Variants in RFX1 observed in about 807,000 individuals in gnomAD.
RFX1 encodes regulatory factor X1, also known as MHC class II regulatory factor RFX1.
In RFX1, 42 loss-of-function variants were observed where a neutral mutation model predicts 119.6. That is an observed-to-expected ratio of 0.35 (90% CI 0.27 to 0.45). The LOEUF (loss-of-function observed/expected upper bound fraction) is 0.45. RFX1 is among the 20% of genes least tolerant of loss of function. RFX1 has a pLI of 1.00. For synonymous variants in RFX1, 628 were observed against 618.5 expected, an observed-to-expected ratio of 1.02 and a Z score of -0.23; for missense variants, 1,118 against 1,368.1, an observed-to-expected ratio of 0.82 and a Z score of 2.88.
chr19:13,998,838 C>T (rs940090768), intron 1 of RFX1, among the ~76,000 whole-genome samples: 5 of 152,164 alleles, frequency 3.3e-5, no homozygotes, highest in African/African-American at 1.2e-4. Flanking sequence ...CCTTGTGGCC[C>T]CTCCCACAAA....
chr19:13,977,926 C>G (rs1205942798), intron 8 of RFX1, 66 bp downstream of exon 8: 1 of 1,266,404 alleles, frequency 7.9e-7, no homozygotes, highest in Non-Finnish European at 1.1e-6. Context: ...GGACTGGTGT[C>G]CTGGGAGACT....
chr19:13,993,945 A>C, intron 1 of RFX1, 50 bp from the exon 2 acceptor site: 2 of 1,052,484 alleles, frequency 1.9e-6, no homozygotes, highest in Non-Finnish European at 2.7e-6. Context: ...ACAAAACAAA[A>C]GAAGGAAAAA....
chr19:13,996,883 C>T (rs377632056), intron 1 of RFX1, among the ~76,000 whole-genome samples: 1 of 152,184 alleles, frequency 6.6e-6, no homozygotes, highest in Non-Finnish European at 1.5e-5. Flanking sequence ...ACTACCACAT[C>T]CAGCTAATTT....
chr19:13,962,793 C>G lies in RFX1; in HGVS notation c.2842G>C (p.Glu948Gln), dbSNP rs778972180. Reference protein sequence around the residue: ...PQDISLAAGGESPALGPETLE... With the variant: ...PQDISLAAGGQSPALGPETLE... ...GTCTCCGGGCCCAGCGCGGGTGACT[C>G]GCCGCCAGCCGCCAGTGAGATGTCC... The change falls in exon 21 of 21, where the codon GAG (glutamate) becomes CAG (glutamine). Residue 948 changes from glutamate (E) to glutamine (Q), a missense_variant. By Grantham distance (29) the Glu-to-Gln change is conservative. Around this residue, in one of 5 missense-constraint regions of RFX1, gnomAD observed 138 missense variants for 117.8 expected, o/e 1.17. Coordinates refer to ENST00000254325, the MANE Select transcript of RFX1 (RefSeq NM_002918.5). The G allele has an allele frequency of 6.5e-7, 1 of 1,529,080 alleles. No individual in the cohort carries two copies. Among genetic ancestry groups the G allele is most frequent in the Non-Finnish European group, 8.8e-7 (1 of 1,142,750 alleles). The allele number at this position is 1,529,080 out of a possible 1,614,324, so 94.7% of individuals were successfully genotyped here.
chr19:13,969,997 G>A lies in RFX1; in HGVS notation c.1493C>T (p.Thr498Ile). The change falls in exon 10 of 21, where the codon ACC becomes ATC. Residue 498 changes from threonine to isoleucine, a missense_variant. This residue lies in a region of RFX1 where 338 missense variants were observed against 508.9 expected (regional missense o/e 0.66). Transcript: ENST00000254325. This position sits in a 1 kb window ranked among gnomAD's most constrained non-coding sequence, Gnocchi z 4.5. ...GGGAGTAGACGGATGGCCCTACCTG[G>A]TGCCCAGACGGCGGGTTCGCAGGCC... ...FMGLRTRRLG[T>I]RGNSKYHYYG... The A allele has an allele frequency of 2.5e-6, 4 of 1,608,984 alleles. No homozygotes were observed. The highest frequency in any genetic ancestry group is 3.4e-6 in the Non-Finnish European group (4 of 1,177,172).
At chr19:14,006,714 T>C (rs967306019), upstream of RFX1, 2 of 152,232 alleles carry the variant, frequency 1.3e-5, no homozygotes, top group Non-Finnish European at 2.9e-5. Flanking sequence ...GATTGGGAGT[T>C]GTAGTCCGCT....
intron 2 of RFX1, among the ~76,000 whole-genome samples, chr19:13,991,379 A>C (rs1418697090): frequency 6.6e-6 from 1 of 152,222 alleles, no homozygotes; most frequent in Non-Finnish European, 1.5e-5. Flanking sequence ...AACCCACCAG[A>C]GGTTTGTGGC....
Position 13,980,141 on chromosome 19 carries a change from G to A in RFX1, c.738+432C>T, listed in dbSNP as rs556076560. 1.1e-4 allele frequency among the ~76,000 whole-genome samples: 16 copies of A among 152,260 alleles called. No individual in the cohort carries two copies. The highest frequency in any genetic ancestry group is 1.9e-4 in the Non-Finnish European group (13 of 68,004). Reference sequence around the variant, plus strand: ...TTCAGTGGTAACAACCAGATGGTGCGCAGCCCCAGCATCTTAACCTGCGCC... The same window carrying A: ...TTCAGTGGTAACAACCAGATGGTGCACAGCCCCAGCATCTTAACCTGCGCC... On this transcript the variant is annotated intron_variant, in intron 6 of 20. Coordinates refer to ENST00000254325, the MANE Select transcript of RFX1 (RefSeq NM_002918.5). This position sits in a 1 kb window ranked among gnomAD's most constrained non-coding sequence, Gnocchi z 5.1.
At chr19:13,988,537 A>T (rs1057028855) in intron 2 of RFX1, among the ~76,000 whole-genome samples, 2 of 152,192 alleles carry the variant, frequency 1.3e-5, no homozygotes, top group African/African-American at 4.8e-5. Context: ...GTGACATGCG[A>T]GGCCTCCTGC....
intron 1 of RFX1, among the ~76,000 whole-genome samples, chr19:13,995,889 G>A (rs1017544203): frequency 5.3e-5 from 8 of 150,590 alleles, no homozygotes; most frequent in African/African-American, 1.7e-4. Context: ...TTAAACGGGA[G>A]TGGTGGCGCG....
Position 13,966,598 on chromosome 19 carries a change from C to T in RFX1, c.1851+35G>A. ...GGCCCTCCCATGCCCGTGGCTGCGTCCCCGTCCACTTGCCTGCCCACCTGG... is the reference window on the plus strand; with the variant it reads ...GGCCCTCCCATGCCCGTGGCTGCGTTCCCGTCCACTTGCCTGCCCACCTGG... On this transcript the variant is annotated intron_variant, in intron 13 of 20. Coordinates refer to ENST00000254325, the MANE Select transcript of RFX1 (RefSeq NM_002918.5). The surrounding 1 kb of genome is among the most constrained non-coding windows in gnomAD (Gnocchi z 6.3). 1 of 1,550,304 alleles carries T rather than the reference C, an allele frequency of 6.5e-7. No individual in the cohort carries two copies. The highest frequency in any genetic ancestry group is 8.8e-7 in the Non-Finnish European group (1 of 1,138,242).
Position 13,980,752 on chromosome 19 carries a change from T to TCG in RFX1, c.622-64_622-63insCG. 4.6e-5 allele frequency: 43 copies of TCG among 939,246 alleles called. No individual in the cohort carries two copies. Among genetic ancestry groups the TCG allele is most frequent in the Non-Finnish European group, 6.2e-5 (38 of 616,452 alleles). 58.2% of individuals were successfully genotyped at this position (939,246 alleles called of 1,614,324 possible). The stretch of plus-strand genomic sequence containing the variant: ...GGCTTGCATCCTCTCTGAGGTGGGC[T>TCG]CACACACACACCCTTCTCAGGAGAG... On this transcript the variant is annotated intron_variant, in intron 5 of 20. Transcript: ENST00000254325. This position sits in a 1 kb window ranked among gnomAD's most constrained non-coding sequence, Gnocchi z 5.1.
chr19:13,979,406 C>T (rs774047259), intron 7 of RFX1, 41 bp downstream of exon 7: 1 of 1,432,248 alleles, frequency 7.0e-7, no homozygotes. Flanking sequence ...CAGCCCGGGA[C>T]CAGCCCCTTT....
upstream of RFX1, chr19:14,006,416 C>G (rs1008287723): frequency 6.6e-6 from 1 of 152,308 alleles, no homozygotes. Context: ...GGCCTTGCAG[C>G]TAAACTATTA....
chr19:13,982,288 G>A (rs1044283312), intron 4 of RFX1, 60 bp from the exon 5 acceptor site: 9 of 960,068 alleles, frequency 9.4e-6, no homozygotes, highest in Non-Finnish European at 9.8e-6. Flanking sequence ...CAGTTGCACC[G>A]AGCATCTGCG....
rs992449674 is a variant in RFX1 at position 13,986,116 on chromosome 19, GC to G, written c.320-2522del. ...CCCCTCCTGGGAGAAACCCGAGACAGCCCCGAGTCATGTGACCGGCACTGCA... is the reference window on the plus strand; with the variant it reads ...CCCCTCCTGGGAGAAACCCGAGACAGCCCGAGTCATGTGACCGGCACTGCA... On this transcript the variant is annotated intron_variant, in intron 2 of 20. Coordinates refer to ENST00000254325, the MANE Select transcript of RFX1 (RefSeq NM_002918.5). This position sits in a 1 kb window ranked among gnomAD's most constrained non-coding sequence, Gnocchi z 4.2. Among the ~76,000 whole-genome samples the G allele has an allele frequency of 1.3e-5, 2 of 152,182 alleles. No individual in the cohort carries two copies. The highest frequency in any genetic ancestry group is 2.4e-5 in the African/African-American group (1 of 41,444).
chr19:13,964,387 CTT>C (rs990253908), intron 16 of RFX1, among the ~76,000 whole-genome samples: 4 of 124,232 alleles, frequency 3.2e-5, no homozygotes, highest in Admixed American at 7.4e-5. Context: ...CAGGAAAGGC[CTT>C]TTTTTTTTTT....
At chr19:14,002,492 AAAAG>A (rs1167701948) in intron 1 of RFX1, among the ~76,000 whole-genome samples, 21 of 152,150 alleles carry the variant, frequency 1.4e-4, no homozygotes, top group Non-Finnish European at 1.5e-4. Context: ...CTCAACAAAA[AAAAG>A]AAAGAAAGAA....
Position 13,972,168 on chromosome 19 carries a change from CAA to C in RFX1, c.1314+573_1314+574del, listed in dbSNP as rs1230847191. Reference sequence around the variant, plus strand: ...TGGACGACAGAACAAAACCCTGTCTCAAAAAAAAAAAAAAAAAAAAGTAGACA... The same window carrying C: ...TGGACGACAGAACAAAACCCTGTCTCAAAAAAAAAAAAAAAAAAGTAGACA... On this transcript the variant is annotated intron_variant, in intron 9 of 20. Coordinates refer to ENST00000254325, the MANE Select transcript of RFX1 (RefSeq NM_002918.5). Among the ~76,000 whole-genome samples the C allele has an allele frequency of 7.4e-3, 380 of 51,062 alleles. 1 individual carries two copies. Among genetic ancestry groups the C allele is most frequent in the African/African-American group, 0.019 (307 of 16,126 alleles). 33.5% of individuals were successfully genotyped at this position (51,062 alleles called of 152,430 possible).
Sources: gnomAD v4.1 joint callset for allele counts (sites outside exome capture counted in the v4.1 genomes callset) on GRCh38, gnomAD v4.1.1 for gene constraint, gnomAD v4.1.1 regional missense constraint, Gnocchi (gnomAD v3.1) non-coding constraint, MANE v1.5 for transcripts, NCBI Gene and HGNC (gene_info 2026-07-23, HGNC 2026-07-21) for gene names.